Variants in FIGN observed in about 807,000 individuals in gnomAD.
FIGN encodes the protein fidgetin, microtubule severing factor.
In FIGN, 11 loss-of-function variants were observed where a neutral mutation model predicts 51.3. That is an observed-to-expected ratio of 0.21 (90% CI 0.13 to 0.35). The LOEUF (loss-of-function observed/expected upper bound fraction) is 0.35. FIGN is among the 10% of genes least tolerant of loss of function. The pLI is 1.00. For missense variants in FIGN, 857 were observed against 943.6 expected (o/e 0.91, Z 1.20); for synonymous variants, 407 against 363.2 (o/e 1.12, Z -1.37).
intron 2 of FIGN, among the ~76,000 whole-genome samples, chr2:163,626,932 G>A (rs955220541): frequency 1.3e-5 from 2 of 152,142 alleles, no homozygotes; most frequent in Non-Finnish European, 1.5e-5. Context: ...TGCCATGGCA[G>A]TTTACAAATG....
Position 163,604,370 on chromosome 2 carries a change from G to A in FIGN, c.*5182C>T, listed in dbSNP as rs544414242. 3 of 151,718 alleles carry A rather than the reference G, an allele frequency of 2.0e-5. No individual in the cohort carries two copies. In the South Asian group the frequency reaches 6.3e-4, roughly 32 times the overall value. The allele number at this position is 151,718 out of a possible 1,614,324, so 9.4% of individuals were successfully genotyped here. On this transcript the variant is annotated 3_prime_UTR_variant, in exon 3 of 3. Coordinates refer to ENST00000333129, the MANE Select transcript of FIGN (RefSeq NM_018086.4). ...ATAATGTCCCAAATGGGACCTCGAT[G>A]AAGACCTACACAGTGCATAATTTCT...
chr2:163,652,345 CACACACACACACACAA>C (rs1476682918), intron 2 of FIGN, among the ~76,000 whole-genome samples: 160 of 125,380 alleles, frequency 1.3e-3, no homozygotes, highest in African/African-American at 4.1e-3. Context: ...CATTAACCAA[CACACACACACACACAA>C]ACACACACAC....
intron 2 of FIGN, among the ~76,000 whole-genome samples, chr2:163,693,274 T>C (rs1684266428): frequency 6.6e-6 from 1 of 152,036 alleles, no homozygotes; most frequent in South Asian, 2.1e-4. Context: ...TGTGTGTGTG[T>C]ATTCAGTGGA....
chr2:163,627,293 C>CA (rs1232553062), intron 2 of FIGN, among the ~76,000 whole-genome samples: 1 of 152,072 alleles, frequency 6.6e-6, no homozygotes, highest in Non-Finnish European at 1.5e-5. Context: ...AGGATTTAAC[C>CA]ATGGGTTATA....
intron 2 of FIGN, among the ~76,000 whole-genome samples, chr2:163,673,232 A>T (rs1056787550): frequency 4.6e-5 from 7 of 152,124 alleles, no homozygotes; most frequent in African/African-American, 1.4e-4. Context: ...TGTGGGATTC[A>T]TTTGAGGATT....
At chr2:163,693,008 C>A (rs1417007121) in intron 2 of FIGN, among the ~76,000 whole-genome samples, 1 of 152,188 alleles carries the variant, frequency 6.6e-6, no homozygotes, top group East Asian at 1.9e-4. Context: ...TTCCTTTAAC[C>A]GCAACTTCAG....
intron 2 of FIGN, among the ~76,000 whole-genome samples, chr2:163,731,957 T>C (rs192077541): frequency 7.1e-4 from 108 of 152,248 alleles, no homozygotes; most frequent in African/African-American, 2.5e-3. Context: ...TATTTGATGA[T>C]AGACCCACAT....
intron 2 of FIGN, among the ~76,000 whole-genome samples, chr2:163,688,692 C>G (rs905673229): frequency 6.6e-6 from 1 of 152,000 alleles, no homozygotes; most frequent in African/African-American, 2.4e-5. Flanking sequence ...TGTGGACTAC[C>G]CAGCCCAGAT....
chr2:163,680,692 T>C (rs1559019056), intron 2 of FIGN, among the ~76,000 whole-genome samples: 1 of 152,116 alleles, frequency 6.6e-6, no homozygotes, highest in African/African-American at 2.4e-5. Flanking sequence ...AACCATCGCC[T>C]CTCTGTGCTT....
intron 2 of FIGN, 114 bp from the exon 3 acceptor site, chr2:163,611,920 T>A: frequency 4.5e-6 from 2 of 448,130 alleles, no homozygotes; most frequent in Non-Finnish European, 6.8e-6. Context: ...ATATGCATAC[T>A]TTAAAAGATC....
At chr2:163,637,953 A>C (rs1683251322) in intron 2 of FIGN, among the ~76,000 whole-genome samples, 1 of 152,126 alleles carries the variant, frequency 6.6e-6, no homozygotes, top group Non-Finnish European at 1.5e-5. Context: ...TGGGATCTCC[A>C]ATAGACAGTC....
At chr2:163,668,876 G>T (rs12997724) in intron 2 of FIGN, among the ~76,000 whole-genome samples, 1 of 152,004 alleles carries the variant, frequency 6.6e-6, no homozygotes, top group African/African-American at 2.4e-5. Context: ...GGGAGGCGGA[G>T]CTTGCAGTGA....
chr2:163,626,280 A>G (rs1158136636), intron 2 of FIGN, among the ~76,000 whole-genome samples: 5 of 152,174 alleles, frequency 3.3e-5, no homozygotes, highest in African/African-American at 1.2e-4. Flanking sequence ...ATTAAGAATC[A>G]CAAAAGAAAA....
Position 163,608,673 on chromosome 2 carries a change from T to A in FIGN, c.*879A>T, listed in dbSNP as rs1185328952. ...ACATAAAGAATTATTCTGCTCTGGT[T>A]AATTCCCCATAATTAGTAAAAGAAC... On this transcript the variant is annotated 3_prime_UTR_variant, in exon 3 of 3. Coordinates refer to ENST00000333129, the MANE Select transcript of FIGN (RefSeq NM_018086.4). The A allele has an allele frequency of 1.3e-5, 2 of 152,388 alleles. No homozygotes were observed. Among genetic ancestry groups the A allele is most frequent in the Admixed American group, 6.5e-5 (1 of 15,270 alleles). 9.4% of individuals were successfully genotyped at this position (152,388 alleles called of 1,614,324 possible). A position where few individuals can be genotyped will look rare whatever the true frequency, so the allele number is the denominator to read the frequency against.
At chr2:163,627,421 G>T (rs1683069849) in intron 2 of FIGN, among the ~76,000 whole-genome samples, 2 of 152,086 alleles carry the variant, frequency 1.3e-5, no homozygotes, top group African/African-American at 4.8e-5. Context: ...AACAAACAAT[G>T]CATAACACAT....
At chr2:163,706,297 C>T (rs1684498372) in intron 2 of FIGN, among the ~76,000 whole-genome samples, 1 of 152,040 alleles carries the variant, frequency 6.6e-6, no homozygotes, top group Non-Finnish European at 1.5e-5. Flanking sequence ...TTTTAATTAA[C>T]AGCAGTTACA....
chr2:163,650,622 T>C (rs1683458380), intron 2 of FIGN, among the ~76,000 whole-genome samples: 1 of 152,094 alleles, frequency 6.6e-6, no homozygotes, highest in African/African-American at 2.4e-5. Flanking sequence ...CTCCCACTTA[T>C]GAGTGAGAAC....
At chr2:163,716,864 C>G (rs906534697) in intron 2 of FIGN, among the ~76,000 whole-genome samples, 3 of 152,134 alleles carry the variant, frequency 2.0e-5, no homozygotes, top group African/African-American at 4.8e-5. Flanking sequence ...TGACCTCTTA[C>G]ACATGCTGAA....
chr2:163,670,457 G>C (rs1051848761), intron 2 of FIGN, among the ~76,000 whole-genome samples: 2 of 152,178 alleles, frequency 1.3e-5, no homozygotes, highest in African/African-American at 4.8e-5. Flanking sequence ...TATGAACATA[G>C]ATTTCTGAGT....
Sources: allele counts gnomAD v4.1 joint callset (sites outside exome capture counted in the v4.1 genomes callset), GRCh38; gene constraint gnomAD v4.1.1; transcripts MANE v1.5; gene names NCBI Gene and HGNC (gene_info 2026-07-23, HGNC 2026-07-21).